Variants in CEP128 observed in about 807,000 individuals in gnomAD.
CEP128 encodes centrosomal protein 128.
A neutral mutation model predicts 156.7 loss-of-function variants in CEP128; 132 were observed. The ratio of observed to expected loss-of-function variants is 0.84; its 90% CI spans 0.73 to 0.97. The LOEUF is 0.97. Ranked by LOEUF, CEP128 falls within the 50% of genes least tolerant of loss-of-function variation. The pLI is 0.00. For synonymous variants in CEP128, 469 were observed against 448.9 expected (o/e 1.04, Z -0.57); for missense variants, 1,252 against 1,281.9 (o/e 0.98, Z 0.36).
intron 13 of CEP128, among the ~76,000 whole-genome samples, chr14:80,824,389 G>T (rs187585141): frequency 1.3e-5 from 2 of 152,286 alleles, no homozygotes; most frequent in East Asian, 3.9e-4. Context: ...TCAGAAAAAT[G>T]GGATTTTCTT....
chr14:80,690,981 T>C (rs1161823314), intron 19 of CEP128, among the ~76,000 whole-genome samples: 1 of 152,170 alleles, frequency 6.6e-6, no homozygotes, highest in East Asian at 1.9e-4. Flanking sequence ...AATGACAATA[T>C]TGTAATGTTT....
chr14:80,942,405 C>T (rs1886204809), upstream of CEP128: 1 of 152,162 alleles, frequency 6.6e-6, no homozygotes, highest in African/African-American at 2.4e-5. Flanking sequence ...AAATGTTTTC[C>T]ACTCAGGGGA....
chr14:80,617,070 AT>A (rs1035135492), intron 19 of CEP128, among the ~76,000 whole-genome samples: 9 of 149,954 alleles, frequency 6.0e-5, no homozygotes, highest in African/African-American at 1.5e-4. Flanking sequence ...CAAGCAATAA[AT>A]TGTATTATAA....
At chr14:80,693,818 G>A (rs1418579957) in intron 19 of CEP128, among the ~76,000 whole-genome samples, 1 of 152,100 alleles carries the variant, frequency 6.6e-6, no homozygotes, top group African/African-American at 2.4e-5. Context: ...TTATAATTTG[G>A]TTGAAACTTA....
At chr14:80,643,379 C>G (rs1894501401) in intron 19 of CEP128, among the ~76,000 whole-genome samples, 2 of 152,054 alleles carry the variant, frequency 1.3e-5, no homozygotes, top group Admixed American at 6.6e-5. Flanking sequence ...GCTGGGAGGC[C>G]TCTGCAAATG....
chr14:80,527,987 G>C (rs575302388), intron 22 of CEP128, among the ~76,000 whole-genome samples: 1 of 151,788 alleles, frequency 6.6e-6, no homozygotes, highest in South Asian at 2.1e-4. Flanking sequence ...GAAAAACAAT[G>C]AGGACAACTG....
chr14:80,505,844 C>T (rs977192187), intron 23 of CEP128, among the ~76,000 whole-genome samples: 3 of 152,118 alleles, frequency 2.0e-5, no homozygotes, highest in African/African-American at 4.8e-5. Context: ...TTCTTTCACT[C>T]ATTCATTCAT....
chr14:80,758,855 A>T (rs968532399), intron 17 of CEP128, among the ~76,000 whole-genome samples: 1 of 152,198 alleles, frequency 6.6e-6, no homozygotes, highest in Non-Finnish European at 1.5e-5. Context: ...CCAACTTATA[A>T]CTGGGGACAT....
intron 9 of CEP128, among the ~76,000 whole-genome samples, chr14:80,847,698 T>C (rs1886679005): frequency 6.6e-6 from 1 of 152,160 alleles, no homozygotes; most frequent in Non-Finnish European, 1.5e-5. Context: ...CAAGGGGCCA[T>C]AAAGAGGTAA....
At chr14:80,839,068 CAGCCT>C (rs1357939244) in intron 10 of CEP128, among the ~76,000 whole-genome samples, 1 of 152,190 alleles carries the variant, frequency 6.6e-6, no homozygotes, top group African/African-American at 2.4e-5. Flanking sequence ...CACTGCACTC[CAGCCT>C]GGGCAACAGA....
intron 19 of CEP128, among the ~76,000 whole-genome samples, chr14:80,674,111 T>C (rs1024433589): frequency 6.6e-6 from 1 of 151,892 alleles, no homozygotes; most frequent in African/African-American, 2.4e-5. Flanking sequence ...ATATTTTTGG[T>C]ACAGAAAACT....
At chr14:80,520,185 G>A (rs1193524703) in intron 23 of CEP128, among the ~76,000 whole-genome samples, 2 of 152,166 alleles carry the variant, frequency 1.3e-5, no homozygotes, top group Non-Finnish European at 2.9e-5. Flanking sequence ...TTGAGAGGTG[G>A]AAGCTTGCGG....
At position 80,540,986 on chromosome 14, in the gene CEP128, T is replaced by G. The variant is rs1489728223; in HGVS notation, c.2881-10100A>C. 2.0e-5 allele frequency among the ~76,000 whole-genome samples: 3 copies of G among 152,308 alleles called. No individual in the cohort carries two copies. In the East Asian group the frequency reaches 5.8e-4, roughly 29 times the overall value. On this transcript the variant is annotated intron_variant, in intron 21 of 24. Coordinates refer to ENST00000555265, the MANE Select transcript of CEP128 (RefSeq NM_152446.5). ...ATGTCATATATGTCCACAAAATGTT[T>G]TCTCTAATCATATTTTTATTTGTGG...
At chr14:80,540,203 C>T (rs1594970200) in intron 21 of CEP128, among the ~76,000 whole-genome samples, 2 of 149,092 alleles carry the variant, frequency 1.3e-5, no homozygotes, top group Non-Finnish European at 3.0e-5. Flanking sequence ...TTACACCCCC[C>T]CCCCTTTTGA....
chr14:80,791,691 C>A (rs192316472), intron 14 of CEP128, among the ~76,000 whole-genome samples: 7 of 152,270 alleles, frequency 4.6e-5, no homozygotes, highest in Non-Finnish European at 8.8e-5. Flanking sequence ...TTCAGGGCAA[C>A]CAGCCACCCA....
intron 19 of CEP128, among the ~76,000 whole-genome samples, chr14:80,611,135 G>A (rs1378658241): frequency 1.3e-5 from 2 of 151,698 alleles, no homozygotes; most frequent in African/African-American, 2.4e-5. Flanking sequence ...TGGGATTAAT[G>A]GTAAAACATA....
intron 19 of CEP128, among the ~76,000 whole-genome samples, chr14:80,663,730 G>A (rs1895496138): frequency 1.3e-5 from 2 of 152,164 alleles, no homozygotes; most frequent in Non-Finnish European, 2.9e-5. Context: ...CCCTACAAGG[G>A]AGGAAGCTGA....
chr14:80,680,896 C>A (rs1280994499), intron 19 of CEP128, among the ~76,000 whole-genome samples: 3 of 152,130 alleles, frequency 2.0e-5, no homozygotes, highest in Non-Finnish European at 4.4e-5. Flanking sequence ...CCAACAACCC[C>A]CACCAGTGCT....
chr14:80,786,372 A>C (rs753826371), intron 14 of CEP128, among the ~76,000 whole-genome samples: 1 of 152,234 alleles, frequency 6.6e-6, no homozygotes, highest in South Asian at 2.1e-4. Flanking sequence ...GGAACCAATT[A>C]AGACTCATTT....
Sources: allele counts gnomAD v4.1 joint callset (sites outside exome capture counted in the v4.1 genomes callset), GRCh38; gene constraint gnomAD v4.1.1; transcripts MANE v1.5; gene names NCBI Gene and HGNC (gene_info 2026-07-23, HGNC 2026-07-21).